The following CRHR2 variants were observed in gnomAD, a reference collection of about 807,000 sequenced individuals.
CRHR2 encodes corticotropin releasing hormone receptor 2.
CRHR2 carries 53 observed loss-of-function variants against 57.9 expected under a neutral mutation model. The ratio of observed to expected loss-of-function variants is 0.92; its 90% CI spans 0.73 to 1.15. The LOEUF is 1.15. Ranked by LOEUF, CRHR2 falls within the 50% of genes most tolerant of loss-of-function variation. CRHR2 has a pLI of 0.00. For missense variants in CRHR2, 532 were observed against 542.6 expected, an observed-to-expected ratio of 0.98 and a Z score of 0.19; for synonymous variants, 213 against 220.9, an observed-to-expected ratio of 0.96 and a Z score of 0.32.
At chr7:30,678,648 C>T (rs1303313837) in intron 2 of CRHR2, among the ~76,000 whole-genome samples, 1 of 46,248 alleles carries the variant, frequency 2.2e-5, no homozygotes, top group East Asian at 3.0e-4. Context: ...TTGGTGCTCT[C>T]TTGAGCTTTT....
chr7:30,672,954 G>A (rs915543396), intron 2 of CRHR2, among the ~76,000 whole-genome samples: 17 of 152,226 alleles, frequency 1.1e-4, no homozygotes, highest in Admixed American at 6.5e-4. Context: ...GGAGACCCTG[G>A]AGTTGGTGTA....
chr7:30,674,549 G>C (rs1392584121), intron 2 of CRHR2, among the ~76,000 whole-genome samples: 1 of 152,246 alleles, frequency 6.6e-6, no homozygotes, highest in Non-Finnish European at 1.5e-5. Context: ...GCAGTCAGTA[G>C]GATGGCCGGG....
chr7:30,665,390 C>A lies in CRHR2; in HGVS notation c.425+140G>T. On this transcript the variant is annotated intron_variant, in intron 4 of 11. Transcript: ENST00000471646. The surrounding 1 kb of genome is among the most constrained non-coding windows in gnomAD (Gnocchi z 4.5). ...TGCCTGCTGGTGATTCATGCCCTGG[C>A]ACCCCACCCAAACCCCACTTTCTCC... 1.2e-6 allele frequency: 1 copy of A among 857,644 alleles called. No homozygotes were observed. The highest frequency in any genetic ancestry group is 2.7e-5 in the East Asian group (1 of 37,396). The allele number at this position is 857,644 out of a possible 1,614,324, so 53.1% of individuals were successfully genotyped here.
rs1784674622 is a variant in CRHR2, at chr7:30,680,844, GTGTGT to G, written c.229+1066_229+1070del. 2.0e-5 allele frequency among the ~76,000 whole-genome samples: 3 copies of G among 152,006 alleles called. No homozygotes were observed. The South Asian group carries it at 6.2e-4, about 32-fold the overall frequency. On this transcript the variant is annotated intron_variant, in intron 2 of 11. Transcript: ENST00000471646. The stretch of plus-strand genomic sequence containing the variant: ...TGTGTGTGTGTGTGTGTGTGTGTGT[GTGTGT>G]GTGTGTATGTGTGGTGGAGGTGGAG...
chr7:30,673,676 G>T (rs1422125528), intron 2 of CRHR2, among the ~76,000 whole-genome samples: 1 of 152,204 alleles, frequency 6.6e-6, no homozygotes, highest in Non-Finnish European at 1.5e-5. Flanking sequence ...AGTACTAACA[G>T]CATGGTTTTC....
chr7:30,655,947 T>C lies in CRHR2; in HGVS notation c.897A>G (p.Thr299=). The change falls in exon 9 of 12, where the codon ACA becomes ACG. Residue 299 remains threonine, a synonymous_variant. Coordinates refer to ENST00000471646, the MANE Select transcript of CRHR2 (RefSeq NM_001883.5). ...ILMTKLRAST[T]SETIQYRKAV... ...CATACCTGTACTGGATTGTCTCGGA[T>C]GTGGTGGACGCGCGTAACTTTGTCA... The C allele has an allele frequency of 1.2e-6, 2 of 1,613,634 alleles. No homozygotes were observed. The highest frequency in any genetic ancestry group is 1.1e-5 in the South Asian group (1 of 91,062).
chr7:30,688,828 T>C (rs1420822209), intron 2 of CRHR2: 3 of 464,268 alleles, frequency 6.5e-6, no homozygotes, highest in Non-Finnish European at 1.3e-5. Flanking sequence ...AAGTCACACC[T>C]GTAGCCACGG....
intron 8 of CRHR2, among the ~76,000 whole-genome samples, chr7:30,657,410 G>C (rs934186987): frequency 1.3e-5 from 2 of 152,122 alleles, no homozygotes; most frequent in Non-Finnish European, 2.9e-5. Flanking sequence ...GCCATGACCT[G>C]ATACCCCCAG....
At position 30,656,522 on chromosome 7, in the gene CRHR2, A is replaced by G. The variant is rs534765357; in HGVS notation, c.832-510T>C. 2.6e-5 allele frequency among the ~76,000 whole-genome samples: 4 copies of G among 152,168 alleles called. No individual in the cohort carries two copies. The highest frequency in any genetic ancestry group is 4.4e-5 in the Non-Finnish European group (3 of 67,970). The stretch of plus-strand genomic sequence containing the variant: ...GGATTAAGAACTCAGTTGCCGAATG[A>G]GTGATTAATCTGCCAGCATCCCACC... On this transcript the variant is annotated intron_variant, in intron 8 of 11. Transcript: ENST00000471646. The surrounding 1 kb of genome is among the most constrained non-coding windows in gnomAD (Gnocchi z 4.4).
At chr7:30,687,895 C>T (rs1250965950) in intron 2 of CRHR2, among the ~76,000 whole-genome samples, 1 of 152,200 alleles carries the variant, frequency 6.6e-6, no homozygotes, top group African/African-American at 2.4e-5. Context: ...ATGGCCTGTG[C>T]TAGGTGTCCC....
At chr7:30,693,813 A>G (rs1032441840) in intron 1 of CRHR2, among the ~76,000 whole-genome samples, 3 of 152,218 alleles carry the variant, frequency 2.0e-5, no homozygotes, top group African/African-American at 7.2e-5. Context: ...GGGTCCCCAG[A>G]GAAGTGGAGA....
upstream of CRHR2, among the ~76,000 whole-genome samples, chr7:30,683,872 C>G (rs1033627917): frequency 1.3e-5 from 2 of 152,232 alleles, no homozygotes; most frequent in African/African-American, 4.8e-5. Flanking sequence ...CTGAAACCAC[C>G]ATGAACTAGC....
chr7:30,665,100 G>C lies in CRHR2; in HGVS notation c.513C>G (p.Leu171=), dbSNP rs1175824595. The change falls in exon 5 of 12, where the codon CTC becomes CTG. Residue 171 remains leucine (L), a synonymous_variant. Coordinates refer to ENST00000471646, the MANE Select transcript of CRHR2 (RefSeq NM_001883.5). The surrounding 1 kb of genome is among the most constrained non-coding windows in gnomAD (Gnocchi z 4.5). The part of the protein sequence containing the change: ...LRNVMWFLLQ[L]VDHEVHESNE... Reference sequence around the variant, plus strand: ...TGCTCTCGTGCACTTCATGGTCAACGAGCTGCAGCAGGAACCACATGACAT... The same window carrying C: ...TGCTCTCGTGCACTTCATGGTCAACCAGCTGCAGCAGGAACCACATGACAT... 1.2e-6 allele frequency: 2 copies of C among 1,613,962 alleles called. No individual in the cohort carries two copies. Among genetic ancestry groups the C allele is most frequent in the South Asian group, 1.1e-5 (1 of 91,066 alleles).
At chr7:30,684,293 G>A (rs1784810773), upstream of CRHR2, among the ~76,000 whole-genome samples, 1 of 152,238 alleles carries the variant, frequency 6.6e-6, no homozygotes, top group Non-Finnish European at 1.5e-5. Context: ...TATTCACAGG[G>A]CAATAGTGTC....
chr7:30,671,181 T>G (rs1784339777), intron 2 of CRHR2, among the ~76,000 whole-genome samples: 1 of 152,168 alleles, frequency 6.6e-6, no homozygotes, highest in Non-Finnish European at 1.5e-5. Context: ...GTAAATTGAT[T>G]CTCTATGATG....
In CRHR2 at chr7:30,656,076, GA is replaced by G. The variant is rs1783779697; in HGVS notation, c.832-65del. 2 of 1,496,036 alleles carry G rather than the reference GA, an allele frequency of 1.3e-6. No homozygotes were observed. Among genetic ancestry groups the G allele is most frequent in the East Asian group, 4.5e-5 (2 of 44,300 alleles). The allele number at this position is 1,496,036 out of a possible 1,614,324, so 92.7% of individuals were successfully genotyped here. On this transcript the variant is annotated intron_variant, in intron 8 of 11. Coordinates refer to ENST00000471646, the MANE Select transcript of CRHR2 (RefSeq NM_001883.5). The surrounding 1 kb of genome is among the most constrained non-coding windows in gnomAD (Gnocchi z 4.4). Reference sequence around the variant, plus strand: ...GGAGCACGTGTTTGAGATGAGCCGAGAGGCAGCCCCCTTCCCCGCAGACCCC... The same window carrying G: ...GGAGCACGTGTTTGAGATGAGCCGAGGGCAGCCCCCTTCCCCGCAGACCCC...
intron 8 of CRHR2, among the ~76,000 whole-genome samples, chr7:30,660,022 A>G (rs1318823206): frequency 6.6e-6 from 1 of 152,134 alleles, no homozygotes; most frequent in African/African-American, 2.4e-5. Context: ...TCTCTTAATT[A>G]AAGCTCATTG....
upstream of CRHR2, among the ~76,000 whole-genome samples, chr7:30,683,233 G>A (rs1197221192): frequency 6.6e-6 from 1 of 152,236 alleles, no homozygotes; most frequent in Non-Finnish European, 1.5e-5. Flanking sequence ...TATACACCCA[G>A]TTGTTAGTGC....
At chr7:30,657,753 C>CT in intron 8 of CRHR2, among the ~76,000 whole-genome samples, 1 of 152,290 alleles carries the variant, frequency 6.6e-6, no homozygotes. Context: ...TACCCACCTA[C>CT]TTTTATCCAT....
Sources: gnomAD v4.1 joint callset for allele counts (sites outside exome capture counted in the v4.1 genomes callset) on GRCh38, gnomAD v4.1.1 for gene constraint, Gnocchi (gnomAD v3.1) non-coding constraint, MANE v1.5 for transcripts, NCBI Gene and HGNC (gene_info 2026-07-23, HGNC 2026-07-21) for gene names.